CYP27C1: variants seen among roughly 807,000 people sequenced by gnomAD.
The protein encoded by CYP27C1 is cytochrome P450 27C1.
Under a neutral mutation model 40.6 loss-of-function variants are expected in CYP27C1, and 29 were observed. The observed-to-expected ratio is 0.71, with a 90% CI of 0.53 to 0.97. The LOEUF (loss-of-function observed/expected upper bound fraction) is 0.97. Among genes scored for constraint, CYP27C1 ranks in the 50% least tolerant of loss-of-function variants. The probability of loss-of-function intolerance (pLI) is 0.00; values close to 1 mark genes in which losing one functional copy is unlikely to be tolerated. For synonymous variants in CYP27C1, 198 were observed against 186.8 expected (o/e 1.06, Z -0.49); for missense variants, 390 against 485.8 (o/e 0.80, Z 1.85).
rs1264188223 is a variant in CYP27C1 at position 127,185,524 on chromosome 2, C to T, written c.*1747G>A. On this transcript the variant is annotated 3_prime_UTR_variant, in exon 9 of 9. Transcript: ENST00000664447. The surrounding 1 kb of genome is among the most constrained non-coding windows in gnomAD (Gnocchi z 4.9). ...GTTTATAAAACTTAATATACGTATA[C>T]TGCTACCTCAAAGTAATCAATCCAA... is the stretch of plus-strand genomic sequence containing the variant. 1 of 152,124 alleles carries T rather than the reference C, an allele frequency of 6.6e-6. No individual in the cohort carries two copies. The highest frequency in any genetic ancestry group is 6.6e-5 in the Admixed American group (1 of 15,264). The allele number at this position is 152,124 out of a possible 1,614,324, so 9.4% of individuals were successfully genotyped here. A position where few individuals can be genotyped will look rare whatever the true frequency, so the allele number is the denominator to read the frequency against.
Position 127,201,279 on chromosome 2 carries a change from G to C in CYP27C1, c.726C>G (p.Ile242Met). The part of the protein sequence containing the change: ...ESRLGCLENS[I>M]PQLTVEYIEA... ...CGATGTATTCCACAGTCAGCTGTGG[G>C]ATGCTGTTTTCCAGGCAGCCCAAAC... Residue 242 changes from isoleucine to methionine, a missense_variant, in exon 4 of 9, where the codon ATC becomes ATG. By Grantham distance (10) the Ile-to-Met change is conservative (BLOSUM62 1). Coordinates refer to ENST00000664447, the MANE Select transcript of CYP27C1 (RefSeq NM_001367502.1). This position sits in a 1 kb window ranked among gnomAD's most constrained non-coding sequence, Gnocchi z 6.0. 6.2e-7 allele frequency: 1 copy of C among 1,611,286 alleles called. No individual in the cohort carries two copies.
Position 127,218,905 on chromosome 2 carries a change from G to A in CYP27C1, c.282+1084C>T, listed in dbSNP as rs1241347326. The stretch of plus-strand genomic sequence containing the variant: ...CGGGTGCAGTGCCCCTGCCACGAAG[G>A]GCGCAACGGAGGTGGGCGTGGGAAG... On this transcript the variant is annotated intron_variant, in intron 1 of 8. Coordinates refer to ENST00000664447, the MANE Select transcript of CYP27C1 (RefSeq NM_001367502.1). The surrounding 1 kb of genome is among the most constrained non-coding windows in gnomAD (Gnocchi z 6.0). Among the ~76,000 whole-genome samples the A allele has an allele frequency of 3.3e-5, 5 of 152,208 alleles. No homozygotes were observed. In the East Asian group the frequency reaches 9.7e-4, roughly 29 times the overall value.
At chr2:127,211,587 G>A (rs536912863) in intron 1 of CYP27C1, among the ~76,000 whole-genome samples, 58 of 151,734 alleles carry the variant, frequency 3.8e-4, no homozygotes, top group African/African-American at 1.4e-3. Flanking sequence ...GGGTTTCACC[G>A]TATTAGCCAG....
In CYP27C1 at chr2:127,205,892, A is replaced by C; in HGVS notation, c.473+8T>G. The stretch of plus-strand genomic sequence containing the variant: ...AGCCCGTGGCTCAGCCCGGGCCCAC[A>C]TACTCACGCCGAGATGAGCCCGGTG... On this transcript the variant is annotated splice_region_variant and intron_variant, in intron 2 of 8. Transcript: ENST00000664447. The C allele has an allele frequency of 6.1e-6, 2 of 326,726 alleles. No homozygotes were observed. The highest frequency in any genetic ancestry group is 8.8e-6 in the Non-Finnish European group (2 of 227,602). 20.2% of individuals were successfully genotyped at this position (326,726 alleles called of 1,614,324 possible). A position where few individuals can be genotyped will look rare whatever the true frequency, so the allele number is the denominator to read the frequency against.
Position 127,209,147 on chromosome 2 carries a change from C to T in CYP27C1, c.283-3057G>A. On this transcript the variant is annotated intron_variant, in intron 1 of 8. Coordinates refer to ENST00000664447, the MANE Select transcript of CYP27C1 (RefSeq NM_001367502.1). The surrounding 1 kb of genome is among the most constrained non-coding windows in gnomAD (Gnocchi z 4.1). ...AGGTCAGAGGTCCCAGAAGAAGGAG[C>T]AGGCACCCATCATTGCTGCACTTCA... Among the ~76,000 whole-genome samples, 1 of 152,160 alleles carries T rather than the reference C, an allele frequency of 6.6e-6. No homozygotes were observed. Among genetic ancestry groups the T allele is most frequent in the East Asian group, 1.9e-4 (1 of 5,194 alleles).
At chr2:127,210,217 T>C (rs1321729200) in intron 1 of CYP27C1, among the ~76,000 whole-genome samples, 1 of 151,966 alleles carries the variant, frequency 6.6e-6, no homozygotes, top group African/African-American at 2.4e-5. Context: ...ATATTCAACA[T>C]AGTTAAAGAA....
In CYP27C1 at chr2:127,219,726, C is replaced by G. The variant is rs962163232; in HGVS notation, c.282+263G>C. 2.0e-5 allele frequency among the ~76,000 whole-genome samples: 3 copies of G among 152,078 alleles called. No individual in the cohort carries two copies. The highest frequency in any genetic ancestry group is 4.4e-5 in the Non-Finnish European group (3 of 67,996). On this transcript the variant is annotated intron_variant, in intron 1 of 8. Transcript: ENST00000664447. The surrounding 1 kb of genome is among the most constrained non-coding windows in gnomAD (Gnocchi z 8.7). ...CGAAGACCCCTCCCCAACGCCCCCGCCCCGCTCCCGGTTCCTGCCTCCTCC... is the reference window on the plus strand; with the variant it reads ...CGAAGACCCCTCCCCAACGCCCCCGGCCCGCTCCCGGTTCCTGCCTCCTCC...
chr2:127,191,535 G>C (rs546988136), intron 8 of CYP27C1, among the ~76,000 whole-genome samples: 106 of 152,158 alleles, frequency 7.0e-4, no homozygotes, highest in Non-Finnish European at 8.7e-4. Flanking sequence ...AGGGAGCTGA[G>C]ACCTTCCTGA....
At position 127,193,771 on chromosome 2, in the gene CYP27C1, C is replaced by G; in HGVS notation, c.1293+18G>C. 1 of 1,614,026 alleles carries G rather than the reference C, an allele frequency of 6.2e-7. No individual in the cohort carries two copies. The highest frequency in any genetic ancestry group is 2.2e-5 in the East Asian group (1 of 44,884). On this transcript the variant is annotated intron_variant, in intron 7 of 8. Coordinates refer to ENST00000664447, the MANE Select transcript of CYP27C1 (RefSeq NM_001367502.1). ...CCCGACCCGCAAGGCCTGGCCACCC[C>G]CATGGCCCCAAACTCACGCCTTTCG...
intron 1 of CYP27C1, among the ~76,000 whole-genome samples, chr2:127,211,390 T>G (rs1445696906): frequency 2.8e-4 from 35 of 123,924 alleles, no homozygotes; most frequent in East Asian, 1.0e-3. Flanking sequence ...TTTTTTTTTT[T>G]TTTTTTTTTT....
intron 1 of CYP27C1, among the ~76,000 whole-genome samples, chr2:127,216,246 T>C (rs1350311954): frequency 1.3e-5 from 2 of 152,108 alleles, no homozygotes; most frequent in Non-Finnish European, 2.9e-5. Context: ...ACACAAAAAT[T>C]CACAGCAGCA....
intron 8 of CYP27C1, among the ~76,000 whole-genome samples, chr2:127,189,168 G>GCCCCCC (rs34707287): frequency 3.9e-4 from 50 of 129,106 alleles, no homozygotes; most frequent in Non-Finnish European, 5.0e-4. Flanking sequence ...AAAAAACACT[G>GCCCCCC]CCCCCCCCCT....
rs950843063 is a variant in CYP27C1, at chr2:127,193,127, A to G, written c.1464T>C (p.Ile488=). ...CGACGAGGTGAATCTCCAGTTCTGC[A>G]ATTCTCCGCCCTATGCAGCTGCGAA... is the stretch of plus-strand genomic sequence containing the variant. ...HGVRSCIGRR[I]AELEIHLVVI... The change falls in exon 8 of 9, where the codon ATT becomes ATC. Residue 488 remains isoleucine, a synonymous_variant. Coordinates refer to ENST00000664447, the MANE Select transcript of CYP27C1 (RefSeq NM_001367502.1). 2 of 1,614,182 alleles carry G rather than the reference A, an allele frequency of 1.2e-6. No individual in the cohort carries two copies. The highest frequency in any genetic ancestry group is 1.7e-5 in the Admixed American group (1 of 60,022).
At chr2:127,193,408 C>T in intron 7 of CYP27C1, 111 bp from the exon 8 acceptor site, 2 of 1,267,030 alleles carry the variant, frequency 1.6e-6, no homozygotes, top group South Asian at 1.3e-5. Flanking sequence ...CGCCTGGGGG[C>T]CGCCCGGGTC....
At chr2:127,191,648 A>G (rs1190399682) in intron 8 of CYP27C1, among the ~76,000 whole-genome samples, 2 of 152,112 alleles carry the variant, frequency 1.3e-5, no homozygotes, top group Non-Finnish European at 2.9e-5. Flanking sequence ...CTCCTCACAC[A>G]CCTATCAGGC....
At chr2:127,194,270 A>G (rs1682853424) in intron 6 of CYP27C1, among the ~76,000 whole-genome samples, 1 of 152,224 alleles carries the variant, frequency 6.6e-6, no homozygotes, top group South Asian at 2.1e-4. Flanking sequence ...ATTATCTCAG[A>G]AAACCCTGAA....
chr2:127,207,937 A>G (rs1319801402), intron 1 of CYP27C1, among the ~76,000 whole-genome samples: 1 of 152,242 alleles, frequency 6.6e-6, no homozygotes, highest in Non-Finnish European at 1.5e-5. Context: ...AATCCCTATC[A>G]TAATTCCAGT....
chr2:127,204,567 A>AAGAGAGAG (rs1190374721), intron 2 of CYP27C1, among the ~76,000 whole-genome samples: 3 of 65,508 alleles, frequency 4.6e-5, no homozygotes, highest in African/African-American at 2.1e-4. Context: ...GAAAGAAAGA[A>AAGAGAGAG]AGAAAGAAAG....
chr2:127,193,154 C>G lies in CYP27C1; in HGVS notation c.1437G>C (p.Gly479=). Residue 479 remains glycine, a synonymous_variant, in exon 8 of 9, where the codon GGG becomes GGC. Transcript: ENST00000664447. ...DNFGSIPFGH[G]VRSCIGRRIA... ...TTCTCCGCCCTATGCAGCTGCGAAC[C>G]CCATGACCAAAGGGGATGGATCCAA... The G allele has an allele frequency of 6.2e-7, 1 of 1,614,198 alleles. No homozygotes were observed. The highest frequency in any genetic ancestry group is 8.5e-7 in the Non-Finnish European group (1 of 1,180,036).
Sources: allele counts gnomAD v4.1 joint callset (sites outside exome capture counted in the v4.1 genomes callset), GRCh38; gene constraint gnomAD v4.1.1; non-coding constraint Gnocchi (gnomAD v3.1); transcripts MANE v1.5; gene names NCBI Gene and HGNC (gene_info 2026-07-23, HGNC 2026-07-21).